The following DOCK2 variants were observed in gnomAD, a reference collection of about 807,000 sequenced individuals.
DOCK2 encodes the protein dedicator of cytokinesis 2.
DOCK2 carries 87 observed loss-of-function variants against 248.9 expected under a neutral mutation model. The observed-to-expected ratio is 0.35, with a 90% CI of 0.29 to 0.42. The LOEUF is 0.42. DOCK2 is among the 10% of genes least tolerant of loss of function. DOCK2 has a pLI of 1.00. For missense variants in DOCK2, 1,747 were observed against 2,300.2 expected, an observed-to-expected ratio of 0.76 and a Z score of 4.92; for synonymous variants, 805 against 821.6, an observed-to-expected ratio of 0.98 and a Z score of 0.35.
intron 1 of DOCK2, among the ~76,000 whole-genome samples, chr5:169,639,553 C>T (rs779592195): frequency 6.6e-5 from 10 of 152,206 alleles, no homozygotes; most frequent in Non-Finnish European, 1.5e-4. Flanking sequence ...TGACTTCTGC[C>T]TCCTGAGCCA....
At chr5:169,716,422 G>A (rs967428958) in intron 20 of DOCK2, 120 bp downstream of exon 20, 2 of 943,542 alleles carry the variant, frequency 2.1e-6, no homozygotes, top group Non-Finnish European at 1.6e-6. Flanking sequence ...TTCTTTGGAG[G>A]TGTTGTAATG....
At chr5:169,716,362 A>G (rs901708045) in intron 20 of DOCK2, 60 bp downstream of exon 20, 14 of 1,550,020 alleles carry the variant, frequency 9.0e-6, no homozygotes, top group Non-Finnish European at 1.2e-5. Flanking sequence ...CTTACTGTGA[A>G]AATACTGAGA....
At chr5:169,908,713 CTTTTT>C (rs34261104) in intron 27 of DOCK2, among the ~76,000 whole-genome samples, 2 of 105,070 alleles carry the variant, frequency 1.9e-5, no homozygotes, top group African/African-American at 3.8e-5. Flanking sequence ...TTTCTTTTTT[CTTTTT>C]TTTTTTTTTT....
chr5:169,947,805 G>A (rs982658028), intron 27 of DOCK2, among the ~76,000 whole-genome samples: 9 of 152,126 alleles, frequency 5.9e-5, no homozygotes, highest in African/African-American at 2.2e-4. Flanking sequence ...GTGCCTGCTG[G>A]GTGAGCATGA....
chr5:170,007,099 A>G (rs1374129255), intron 30 of DOCK2, among the ~76,000 whole-genome samples: 1 of 152,156 alleles, frequency 6.6e-6, no homozygotes, highest in Non-Finnish European at 1.5e-5. Flanking sequence ...TGAAAGTCAT[A>G]CTCTGGGCAG....
chr5:169,685,586 G>C (rs1437824050), intron 8 of DOCK2, among the ~76,000 whole-genome samples: 2 of 152,202 alleles, frequency 1.3e-5, no homozygotes, highest in Non-Finnish European at 2.9e-5. Flanking sequence ...CTCTGCCTTT[G>C]TGGGAAAAAT....
At chr5:169,929,551 A>G (rs752826427) in intron 27 of DOCK2, among the ~76,000 whole-genome samples, 1 of 152,054 alleles carries the variant, frequency 6.6e-6, no homozygotes, top group Non-Finnish European at 1.5e-5. Context: ...AGCCTGGGCA[A>G]CATGATGAAA....
At chr5:169,824,930 A>G (rs1291815007) in intron 26 of DOCK2, among the ~76,000 whole-genome samples, 4 of 152,096 alleles carry the variant, frequency 2.6e-5, no homozygotes, top group South Asian at 4.1e-4. Flanking sequence ...TTTACAAGAA[A>G]AAAACAACCC....
At chr5:169,936,409 AG>A (rs1294296930) in intron 27 of DOCK2, among the ~76,000 whole-genome samples, 2 of 152,272 alleles carry the variant, frequency 1.3e-5, no homozygotes, top group East Asian at 3.9e-4. Flanking sequence ...CTGAGGATCC[AG>A]GAAGTGAAGT....
intron 27 of DOCK2, among the ~76,000 whole-genome samples, chr5:169,919,883 T>C (rs1311187859): frequency 6.6e-6 from 1 of 152,182 alleles, no homozygotes. Context: ...AGCAGATTAG[T>C]ATTAGTGGAA....
intron 38 of DOCK2, among the ~76,000 whole-genome samples, chr5:170,045,429 G>A (rs2113847776): frequency 6.6e-6 from 1 of 152,290 alleles, no homozygotes; most frequent in South Asian, 2.1e-4. Flanking sequence ...GACACACACG[G>A]GGGCTTGCAT....
chr5:170,046,792 G>C (rs1280265118), intron 39 of DOCK2, among the ~76,000 whole-genome samples: 2 of 146,988 alleles, frequency 1.4e-5, no homozygotes, highest in Non-Finnish European at 3.0e-5. Flanking sequence ...ACACACACAG[G>C]ATACATTCAA....
chr5:169,661,235 G>C (rs927372027), intron 2 of DOCK2, among the ~76,000 whole-genome samples: 4 of 152,080 alleles, frequency 2.6e-5, no homozygotes, highest in African/African-American at 9.7e-5. Flanking sequence ...AGTATTAACA[G>C]GTCCATGATT....
intron 49 of DOCK2, chr5:170,079,823 G>C (rs1757962678): frequency 5.0e-6 from 1 of 198,868 alleles, no homozygotes; most frequent in South Asian, 1.5e-4. Context: ...AGTGAAGAAA[G>C]GGCCCTCCAG....
At chr5:170,064,619 C>A (rs1448118959) in intron 44 of DOCK2, among the ~76,000 whole-genome samples, 1 of 151,732 alleles carries the variant, frequency 6.6e-6, no homozygotes, top group Non-Finnish European at 1.5e-5. Context: ...TTATGGGGCA[C>A]CATCAAGTGT....
chr5:169,883,357 C>T, intron 27 of DOCK2: 1 of 1,551,700 alleles, frequency 6.4e-7, no homozygotes, highest in Non-Finnish European at 8.7e-7. Flanking sequence ...GCTAACAGGA[C>T]CATTGCTTTG....
chr5:169,755,726 A>C (rs1010305355), intron 23 of DOCK2, among the ~76,000 whole-genome samples: 6 of 152,248 alleles, frequency 3.9e-5, no homozygotes, highest in African/African-American at 1.4e-4. Context: ...CCTGGGCGAC[A>C]GAGTGAGACT....
At chr5:169,736,857 C>T (rs1019503639) in intron 22 of DOCK2, among the ~76,000 whole-genome samples, 2 of 152,080 alleles carry the variant, frequency 1.3e-5, no homozygotes, top group South Asian at 2.1e-4. Flanking sequence ...AGTTCAAATA[C>T]GTGTCTAGTG....
At chr5:169,705,604 C>T (rs1750927682) in intron 14 of DOCK2, among the ~76,000 whole-genome samples, 1 of 152,192 alleles carries the variant, frequency 6.6e-6, no homozygotes, top group Admixed American at 6.5e-5. Context: ...AGGTAATCTA[C>T]ATAATAGGTG....
Sources: gnomAD v4.1 joint callset for allele counts (sites outside exome capture counted in the v4.1 genomes callset) on GRCh38, gnomAD v4.1.1 for gene constraint, MANE v1.5 for transcripts, NCBI Gene and HGNC (gene_info 2026-07-23, HGNC 2026-07-21) for gene names.